The following CNGB3 variants were observed in gnomAD, a reference collection of about 807,000 sequenced individuals.
The protein encoded by CNGB3 is cyclic nucleotide gated channel subunit beta 3.
A neutral mutation model predicts 92.8 loss-of-function variants in CNGB3; 86 were observed. The observed-to-expected ratio is 0.93, with a 90% CI of 0.78 to 1.11. The LOEUF is 1.11. Ranked by LOEUF, CNGB3 falls within the 50% of genes least tolerant of loss-of-function variation. The pLI, the probability that CNGB3 is intolerant of heterozygous loss-of-function variation, is 0.00. For missense variants in CNGB3, 1,026 were observed against 956.8 expected, an observed-to-expected ratio of 1.07 and a Z score of -0.95; for synonymous variants, 333 against 332.7, an observed-to-expected ratio of 1.00 and a Z score of -0.01.
chr8:86,683,953 T>C (rs1259845480), intron 3 of CNGB3, among the ~76,000 whole-genome samples: 2 of 152,110 alleles, frequency 1.3e-5, no homozygotes, highest in African/African-American at 4.8e-5. Context: ...ACACTAAAAA[T>C]ACAGTCCATG....
At chr8:86,694,613 T>A (rs1056798101) in intron 3 of CNGB3, among the ~76,000 whole-genome samples, 6 of 149,906 alleles carry the variant, frequency 4.0e-5, no homozygotes, top group Non-Finnish European at 8.9e-5. Context: ...GCTCCTCACC[T>A]CCCAGACAGG....
chr8:86,604,214 A>C lies in CNGB3; in HGVS notation c.1663-3T>G. On this transcript the variant is annotated splice_region_variant and splice_polypyrimidine_tract_variant and intron_variant, in intron 14 of 17. Transcript: ENST00000320005. ...TACATTTCCTTGCCAATTTCTCCCT[A>C]CATTTTAAATATAAAGAGGAAATGG... The C allele has an allele frequency of 6.4e-7, 1 of 1,565,966 alleles. No individual in the cohort carries two copies. Among genetic ancestry groups the C allele is most frequent in the South Asian group, 1.1e-5 (1 of 89,946 alleles).
At chr8:86,665,660 C>T (rs953227728) in intron 6 of CNGB3, among the ~76,000 whole-genome samples, 1 of 152,108 alleles carries the variant, frequency 6.6e-6, no homozygotes, top group African/African-American at 2.4e-5. Flanking sequence ...AAAACAAATA[C>T]AGCATGTTTT....
chr8:86,720,216 C>G (rs1801150544), intron 3 of CNGB3, among the ~76,000 whole-genome samples: 1 of 152,168 alleles, frequency 6.6e-6, no homozygotes, highest in Non-Finnish European at 1.5e-5. Context: ...AGACAACCCA[C>G]AGAGTGGGAG....
intron 3 of CNGB3, among the ~76,000 whole-genome samples, chr8:86,678,074 C>G (rs182380056): frequency 2.6e-5 from 4 of 151,920 alleles, no homozygotes; most frequent in Non-Finnish European, 5.9e-5. Flanking sequence ...AGGAATTAGG[C>G]GAAGAGTATT....
intron 13 of CNGB3, among the ~76,000 whole-genome samples, chr8:86,620,911 T>G (rs1481056910): frequency 6.6e-6 from 1 of 152,236 alleles, no homozygotes; most frequent in Non-Finnish European, 1.5e-5. Flanking sequence ...AAAAAAAGTT[T>G]TTTTCATGTA....
chr8:86,680,478 A>G (rs973327078), intron 3 of CNGB3, among the ~76,000 whole-genome samples: 2 of 152,200 alleles, frequency 1.3e-5, no homozygotes, highest in African/African-American at 2.4e-5. Flanking sequence ...AGAAGGGGCC[A>G]TGGTCAACCA....
intron 2 of CNGB3, among the ~76,000 whole-genome samples, chr8:86,733,211 G>C (rs541056859): frequency 5.6e-4 from 85 of 152,104 alleles, no homozygotes; most frequent in African/African-American, 1.8e-3. Flanking sequence ...TTCTATTTTT[G>C]GGTCAATTTG....
intron 10 of CNGB3, among the ~76,000 whole-genome samples, chr8:86,636,948 G>A (rs987922960): frequency 2.6e-5 from 4 of 152,156 alleles, no homozygotes; most frequent in African/African-American, 9.7e-5. Context: ...TTTTAAGGCT[G>A]AATGATATTC....
At chr8:86,711,924 T>G (rs954253740) in intron 3 of CNGB3, among the ~76,000 whole-genome samples, 4 of 151,562 alleles carry the variant, frequency 2.6e-5, no homozygotes, top group Non-Finnish European at 5.9e-5. Context: ...TAATTACTTT[T>G]TTTGAAGTAA....
intron 3 of CNGB3, among the ~76,000 whole-genome samples, chr8:86,674,979 G>A (rs1823937813): frequency 6.7e-6 from 1 of 149,244 alleles, no homozygotes; most frequent in African/African-American, 2.5e-5. Flanking sequence ...TTGTTGTTGA[G>A]ACAGGGTCTT....
intron 12 of CNGB3, among the ~76,000 whole-genome samples, chr8:86,626,384 C>T (rs1420767969): frequency 1.3e-5 from 2 of 152,172 alleles, no homozygotes; most frequent in African/African-American, 4.8e-5. Context: ...AGCACAAAGG[C>T]TAGTGAACAA....
chr8:86,610,501 C>T (rs1472626035), intron 14 of CNGB3, among the ~76,000 whole-genome samples: 1 of 147,792 alleles, frequency 6.8e-6, no homozygotes, highest in Non-Finnish European at 1.5e-5. Flanking sequence ...TTAGCTCAGA[C>T]ATCATCTTCT....
At chr8:86,652,999 G>A (rs567820120) in intron 7 of CNGB3, among the ~76,000 whole-genome samples, 1 of 152,014 alleles carries the variant, frequency 6.6e-6, no homozygotes, top group Non-Finnish European at 1.5e-5. Context: ...CAGCATCACT[G>A]CAAACAGGTG....
At chr8:86,719,768 G>A (rs1448798335) in intron 3 of CNGB3, among the ~76,000 whole-genome samples, 5 of 152,036 alleles carry the variant, frequency 3.3e-5, no homozygotes, top group South Asian at 4.1e-4. Context: ...CATAGTCACC[G>A]AAACAGCATG....
intron 2 of CNGB3, 75 bp downstream of exon 2, chr8:86,739,580 C>T: frequency 6.3e-7 from 1 of 1,582,140 alleles, no homozygotes. Flanking sequence ...AATATTTCAT[C>T]AGACAGCACA....
intron 3 of CNGB3, among the ~76,000 whole-genome samples, chr8:86,685,197 T>C (rs989136876): frequency 2.0e-5 from 3 of 152,088 alleles, no homozygotes; most frequent in African/African-American, 4.8e-5. Context: ...AATTAAATTT[T>C]TAATTCATAA....
In CNGB3 at chr8:86,625,943, A is replaced by G. The variant is rs372309774; in HGVS notation, c.1578+40T>C. ...TAAATCAAGAGCTTAGATTCCATAGAGAAATAGATACAGAGTCTATTAATT... is the reference window on the plus strand; with the variant it reads ...TAAATCAAGAGCTTAGATTCCATAGGGAAATAGATACAGAGTCTATTAATT... On this transcript the variant is annotated intron_variant, in intron 13 of 17. Transcript: ENST00000320005. 5.4e-6 allele frequency: 8 copies of G among 1,485,938 alleles called. No individual in the cohort carries two copies. In the African/African-American group the frequency reaches 1.1e-4, roughly 21 times the overall value. 92.0% of individuals were successfully genotyped at this position (1,485,938 alleles called of 1,614,324 possible).
chr8:86,694,692 T>A (rs1351105896), intron 3 of CNGB3, among the ~76,000 whole-genome samples: 3 of 148,014 alleles, frequency 2.0e-5, no homozygotes, highest in African/African-American at 7.6e-5. Context: ...TCCCCACATC[T>A]CAGACGATGG....
Sources: allele counts gnomAD v4.1 joint callset (sites outside exome capture counted in the v4.1 genomes callset), GRCh38; gene constraint gnomAD v4.1.1; transcripts MANE v1.5; gene names NCBI Gene and HGNC (gene_info 2026-07-23, HGNC 2026-07-21).